Variants in SMC4 observed in about 807,000 individuals in gnomAD.
The protein encoded by SMC4 is structural maintenance of chromosomes 4, also known as structural maintenance of chromosomes protein 4.
In SMC4, 87 loss-of-function variants were observed where a neutral mutation model predicts 145.6. The ratio of observed to expected loss-of-function variants is 0.60; its 90% CI spans 0.50 to 0.71. SMC4 has a LOEUF of 0.71. Among genes scored for constraint, SMC4 ranks in the 30% least tolerant of loss-of-function variants. The pLI, the probability that SMC4 is intolerant of heterozygous loss-of-function variation, is 0.00. For synonymous variants in SMC4, 558 were observed against 500.7 expected, an observed-to-expected ratio of 1.11 and a Z score of -1.53; for missense variants, 1,447 against 1,537.1, an observed-to-expected ratio of 0.94 and a Z score of 0.98.
intron 11 of SMC4, among the ~76,000 whole-genome samples, chr3:160,418,399 C>T (rs748351976): frequency 1.3e-5 from 2 of 152,008 alleles, no homozygotes; most frequent in Non-Finnish European, 2.9e-5. Context: ...TATAGCTTAT[C>T]GGTGCCTGTC....
Position 160,425,019 on chromosome 3 carries a change from G to GGTTTGTGTGTGTGTGTGTGT in SMC4, c.2478+2_2478+3insTTGTGTGTGTGTGTGTGTGT. 5 of 1,227,004 alleles carry GGTTTGTGTGTGTGTGTGTGT rather than the reference G, an allele frequency of 4.1e-6. No individual in the cohort carries two copies. The highest frequency in any genetic ancestry group is 2.1e-5 in the African/African-American group (1 of 47,464). The allele number at this position is 1,227,004 out of a possible 1,614,324, so 76.0% of individuals were successfully genotyped here. On this transcript the variant is annotated frameshift_variant and splice_region_variant. Coordinates refer to ENST00000357388, the MANE Select transcript of SMC4 (RefSeq NM_001002800.3). LOFTEE classifies it high-confidence loss of function. The stretch of plus-strand genomic sequence containing the variant: ...TAGAAAAATTTACTGCAAGCATCCA[G>GGTTTGTGTGTGTGTGTGTGT]GTATGTGTGTGTGTGTGTGTGTGTG...
chr3:160,416,157 G>A, intron 9 of SMC4, 94 bp from the exon 10 acceptor site: 1 of 797,642 alleles, frequency 1.3e-6, no homozygotes, highest in Non-Finnish European at 1.8e-6. Context: ...AGAAGAACTA[G>A]AGGACCCTGA....
chr3:160,411,244 G>T (rs983994554), intron 5 of SMC4, among the ~76,000 whole-genome samples: 1 of 152,098 alleles, frequency 6.6e-6, no homozygotes, highest in Non-Finnish European at 1.5e-5. Flanking sequence ...TTATGTACCA[G>T]TGCCATTAGT....
intron 19 of SMC4, 137 bp from the exon 20 acceptor site, chr3:160,430,890 CTATAA>C: frequency 8.1e-7 from 1 of 1,230,804 alleles, no homozygotes; most frequent in East Asian, 2.6e-5. Context: ...AATAAGAATA[CTATAA>C]TTTGTGAATT....
intron 18 of SMC4, 78 bp from the exon 19 acceptor site, chr3:160,430,521 A>G: frequency 1.6e-6 from 2 of 1,235,302 alleles, no homozygotes; most frequent in South Asian, 2.0e-5. Context: ...AAATTTCATG[A>G]AAAGTTCTTT....
chr3:160,424,555 T>C (rs1717558307), intron 15 of SMC4, among the ~76,000 whole-genome samples: 1 of 152,142 alleles, frequency 6.6e-6, no homozygotes, highest in Admixed American at 6.5e-5. Flanking sequence ...ACACCTGTAA[T>C]CCCAGCACTT....
intron 9 of SMC4, among the ~76,000 whole-genome samples, chr3:160,415,878 T>C (rs1013037532): frequency 1.3e-5 from 2 of 152,244 alleles, no homozygotes; most frequent in Non-Finnish European, 2.9e-5. Flanking sequence ...AAAGATAATT[T>C]GTGGTAAGTT....
intron 17 of SMC4, 25 bp downstream of exon 17, chr3:160,426,225 T>TG (rs567888979): frequency 2.2e-5 from 34 of 1,552,528 alleles, no homozygotes; most frequent in Admixed American, 4.3e-5. Flanking sequence ...AGACCTTTTT[T>TG]GGGGGGAAAA....
chr3:160,401,810 C>T (rs1714697486), intron 2 of SMC4, 105 bp from the exon 3 acceptor site: 3 of 797,798 alleles, frequency 3.8e-6, no homozygotes, highest in African/African-American at 1.8e-5. Context: ...TCCCTCCATC[C>T]CCTACTTTAA....
In SMC4 at chr3:160,414,390, T is replaced by G. The variant is rs774131818; in HGVS notation, c.1145T>G (p.Phe382Cys). 1.2e-6 allele frequency: 2 copies of G among 1,603,074 alleles called. No individual in the cohort carries two copies. The highest frequency in any genetic ancestry group is 8.5e-7 in the Non-Finnish European group (1 of 1,171,924). The change falls in exon 9 of 24, where the codon TTT (phenylalanine) becomes TGT (cysteine). Residue 382 changes from phenylalanine to cysteine, a missense_variant. Phe to Cys is a radical substitution (Grantham distance 205). Transcript: ENST00000357388. The part of the protein sequence containing the change: ...TEKKLNKITK[F>C]IEENKEKFTQ... ...AGGAAACTGAATAAAATTACAAAAT[T>G]TATTGAGGAGAATAAAGAAAAATTT...
chr3:160,411,604 TTTTA>T (rs1264771872), intron 5 of SMC4, among the ~76,000 whole-genome samples: 1 of 152,142 alleles, frequency 6.6e-6, no homozygotes, highest in Non-Finnish European at 1.5e-5. Flanking sequence ...AAGAAACAAG[TTTTA>T]TTTATTTATA....
Position 160,425,022 on chromosome 3 carries a change from A to ATGTGTGTGTGTGTGTGTGTGTGTGTG in SMC4, c.2478+9_2478+34dup, listed in dbSNP as rs66870368. On this transcript the variant is annotated splice_donor_region_variant and intron_variant, in intron 16 of 23. Coordinates refer to ENST00000357388, the MANE Select transcript of SMC4 (RefSeq NM_001002800.3). ...AAAAATTTACTGCAAGCATCCAGGT[A>ATGTGTGTGTGTGTGTGTGTGTGTGTG]TGTGTGTGTGTGTGTGTGTGTGTGT... 8.2e-5 allele frequency: 121 copies of ATGTGTGTGTGTGTGTGTGTGTGTGTG among 1,469,518 alleles called. 2 individuals carry two copies. The highest frequency in any genetic ancestry group is 2.6e-4 in the African/African-American group (18 of 68,582). 91.0% of individuals were successfully genotyped at this position (1,469,518 alleles called of 1,614,324 possible).
intron 1 of SMC4, 95 bp from the exon 2 acceptor site, chr3:160,400,727 T>C: frequency 7.3e-7 from 1 of 1,364,628 alleles, no homozygotes; most frequent in Non-Finnish European, 9.4e-7. Context: ...TAAGCGGGGC[T>C]CTCGGAAGCC....
Position 160,404,295 on chromosome 3 carries a change from A to G in SMC4, c.511-33A>G, listed in dbSNP as rs1223865819. 17 of 1,579,588 alleles carry G rather than the reference A, an allele frequency of 1.1e-5. No individual in the cohort carries two copies. The African/African-American group carries it at 1.2e-4, about 11-fold the overall frequency. ...GTAGGCCTATGACTTAATACCAACA[A>G]TTGTTTTCTGGTTTTGTTTTTCCTC... On this transcript the variant is annotated intron_variant, in intron 4 of 23. Coordinates refer to ENST00000357388, the MANE Select transcript of SMC4 (RefSeq NM_001002800.3).
intron 2 of SMC4, among the ~76,000 whole-genome samples, 164 bp from the exon 3 acceptor site, chr3:160,401,751 A>G (rs560950633): frequency 1.3e-5 from 2 of 152,292 alleles, no homozygotes; most frequent in South Asian, 4.1e-4. Flanking sequence ...GTTTAAGATA[A>G]TAACATATTT....
intron 11 of SMC4, among the ~76,000 whole-genome samples, chr3:160,419,112 C>T (rs923381869): frequency 1.2e-4 from 19 of 152,080 alleles, no homozygotes; most frequent in African/African-American, 4.6e-4. Flanking sequence ...ACTGTTTGCT[C>T]CTGAAAAAAA....
intron 16 of SMC4, among the ~76,000 whole-genome samples, 199 bp downstream of exon 16, chr3:160,425,218 A>G (rs1006176415): frequency 6.6e-6 from 1 of 152,132 alleles, no homozygotes; most frequent in Non-Finnish European, 1.5e-5. Context: ...TGTTGTTCCA[A>G]CCACAGCTAT....
chr3:160,416,456 T>C (rs1188896144), intron 10 of SMC4, 41 bp downstream of exon 10: 12 of 1,235,254 alleles, frequency 9.7e-6, no homozygotes, highest in Non-Finnish European at 1.2e-5. Context: ...TTGGTGGCTT[T>C]TTTTTTTTTA....
chr3:160,413,671 T>C (rs965569590), intron 8 of SMC4, 58 bp downstream of exon 8: 5 of 977,890 alleles, frequency 5.1e-6, no homozygotes, highest in Non-Finnish European at 5.8e-6. Context: ...CATGTGTATT[T>C]ATATATAAAG....
Sources: allele counts gnomAD v4.1 joint callset (sites outside exome capture counted in the v4.1 genomes callset), GRCh38; gene constraint gnomAD v4.1.1; transcripts MANE v1.5; gene names NCBI Gene and HGNC (gene_info 2026-07-23, HGNC 2026-07-21).